GLIPR1L1: variants seen among roughly 807,000 people sequenced by gnomAD.
The protein encoded by GLIPR1L1 is GLIPR1 like 1.
A neutral mutation model predicts 29.9 loss-of-function variants in GLIPR1L1; 26 were observed. The observed-to-expected ratio is 0.87, with a 90% CI of 0.64 to 1.21. The LOEUF (loss-of-function observed/expected upper bound fraction) is 1.21. GLIPR1L1 is among the 50% of genes most tolerant of loss of function. The probability of loss-of-function intolerance (pLI) is 0.00; values close to 1 mark genes in which losing one functional copy is unlikely to be tolerated. For synonymous variants in GLIPR1L1, 77 were observed against 97.5 expected (o/e 0.79, Z 1.24); for missense variants, 305 against 290.3 (o/e 1.05, Z -0.37).
intron 3 of GLIPR1L1, 106 bp downstream of exon 3, chr12:75,347,828 G>A: frequency 3.6e-6 from 2 of 556,138 alleles, no homozygotes; most frequent in East Asian, 6.4e-5. Flanking sequence ...GATAAGTAAT[G>A]ACTCCCTCTA....
At chr12:75,359,825 G>C (rs1366550572) in intron 3 of GLIPR1L1, 1 of 151,972 alleles carries the variant, frequency 6.6e-6, no homozygotes, top group African/African-American at 2.4e-5. Context: ...AACTCAAAAT[G>C]GATCGTTGAT....
At chr12:75,353,349 A>G (rs1275240725) in intron 3 of GLIPR1L1, among the ~76,000 whole-genome samples, 1 of 152,240 alleles carries the variant, frequency 6.6e-6, no homozygotes, top group African/African-American at 2.4e-5. Context: ...AACAACCATC[A>G]GAGAATACTA....
At chr12:75,359,567 A>G (rs1011054322) in intron 3 of GLIPR1L1, among the ~76,000 whole-genome samples, 6 of 151,586 alleles carry the variant, frequency 4.0e-5, no homozygotes, top group Admixed American at 1.3e-4. Flanking sequence ...TGCTAATAAT[A>G]TGGTTTTCAA....
chr12:75,358,010 A>C (rs1161287216), intron 3 of GLIPR1L1, among the ~76,000 whole-genome samples: 1 of 151,554 alleles, frequency 6.6e-6, no homozygotes, highest in African/African-American at 2.4e-5. Context: ...AAAAGCATAC[A>C]TAAATAAAAT....
intron 1 of GLIPR1L1, among the ~76,000 whole-genome samples, chr12:75,342,349 T>C (rs1466254869): frequency 6.6e-6 from 1 of 152,212 alleles, no homozygotes; most frequent in Non-Finnish European, 1.5e-5. Flanking sequence ...TATCATACTA[T>C]TGTTACAAAA....
chr12:75,335,693 T>G (rs2041684047), intron 1 of GLIPR1L1, among the ~76,000 whole-genome samples: 1 of 152,098 alleles, frequency 6.6e-6, no homozygotes, highest in Non-Finnish European at 1.5e-5. Context: ...GTCTACTGTA[T>G]AAGAAAATTA....
intron 1 of GLIPR1L1, among the ~76,000 whole-genome samples, chr12:75,342,351 G>T (rs2042177930): frequency 6.6e-6 from 1 of 152,072 alleles, no homozygotes. Flanking sequence ...TCATACTATT[G>T]TTACAAAAAA....
chr12:75,345,502 T>G (rs2042389257), intron 2 of GLIPR1L1, among the ~76,000 whole-genome samples: 1 of 152,080 alleles, frequency 6.6e-6, no homozygotes. Flanking sequence ...TTTGTATAAG[T>G]TGAATTAATA....
At chr12:75,365,551 A>T (rs571232337) in intron 4 of GLIPR1L1, among the ~76,000 whole-genome samples, 16 of 152,248 alleles carry the variant, frequency 1.1e-4, no homozygotes, top group African/African-American at 1.9e-4. Context: ...ATACATTTTT[A>T]AAAAAATGTT....
At chr12:75,362,902 C>T (rs993284898) in intron 3 of GLIPR1L1, among the ~76,000 whole-genome samples, 200 bp from the exon 4 acceptor site, 20 of 152,106 alleles carry the variant, frequency 1.3e-4, no homozygotes, top group African/African-American at 4.8e-4. Flanking sequence ...AAGAATAGAA[C>T]TTCCACGTGA....
chr12:75,356,729 C>T (rs1355388539), intron 3 of GLIPR1L1, among the ~76,000 whole-genome samples: 1 of 152,012 alleles, frequency 6.6e-6, no homozygotes, highest in Non-Finnish European at 1.5e-5. Context: ...GGTATAAATG[C>T]CCCAAACTAA....
chr12:75,335,796 A>G (rs2041693167), intron 1 of GLIPR1L1, among the ~76,000 whole-genome samples: 1 of 152,044 alleles, frequency 6.6e-6, no homozygotes, highest in African/African-American at 2.4e-5. Context: ...ATTTTAATAT[A>G]TAATGTTTAC....
At chr12:75,363,673 GA>G (rs1172789598) in intron 4 of GLIPR1L1, among the ~76,000 whole-genome samples, 4 of 149,926 alleles carry the variant, frequency 2.7e-5, no homozygotes, top group East Asian at 1.9e-4. Context: ...GAGGCCAGAG[GA>G]AAAAAAAATG....
rs1038689334 is a variant in GLIPR1L1, at chr12:75,367,120, C to G, written c.611-2840C>G. The G allele has an allele frequency of 6.8e-5, 46 of 672,952 alleles. No individual in the cohort carries two copies. In the African/African-American group the frequency reaches 7.8e-4, roughly 11 times the overall value. 41.7% of individuals were successfully genotyped at this position (672,952 alleles called of 1,614,324 possible). A position where few individuals can be genotyped will look rare whatever the true frequency, so the allele number is the denominator to read the frequency against. ...GGGAGAAAACGTAATGGAGAAGACACTTTAGAATACACCTCCAAAGTGGAA... is the reference window on the plus strand; with the variant it reads ...GGGAGAAAACGTAATGGAGAAGACAGTTTAGAATACACCTCCAAAGTGGAA... On this transcript the variant is annotated intron_variant, in intron 4 of 5. Transcript: ENST00000378695.
chr12:75,362,917 T>C (rs2043704820), intron 3 of GLIPR1L1, among the ~76,000 whole-genome samples, 185 bp from the exon 4 acceptor site: 1 of 152,168 alleles, frequency 6.6e-6, no homozygotes, highest in Non-Finnish European at 1.5e-5. Flanking sequence ...ACGTGATTCA[T>C]CCTGTAAGGA....
At chr12:75,347,592 A>ATT (rs755148054) in intron 2 of GLIPR1L1, 30 bp from the exon 3 acceptor site, 2 of 1,434,780 alleles carry the variant, frequency 1.4e-6, no homozygotes, top group Non-Finnish European at 2.0e-6. Context: ...TGTTTTCCAT[A>ATT]TTTTATCTTG....
chr12:75,339,861 G>C lies in GLIPR1L1; in HGVS notation c.175-3832G>C, dbSNP rs181578280. 8.9e-4 allele frequency among the ~76,000 whole-genome samples: 135 copies of C among 151,922 alleles called. No homozygotes were observed. The Middle Eastern group carries it at 0.01, about 11-fold the overall frequency. On this transcript the variant is annotated intron_variant, in intron 1 of 5. Coordinates refer to ENST00000378695, the MANE Select transcript of GLIPR1L1 (RefSeq NM_001304964.2). ...TTTACTGGTGATTTCTGAGATTTTGGTGCACCCATCGCCCAAGCAGTGCCC... is the reference window on the plus strand; with the variant it reads ...TTTACTGGTGATTTCTGAGATTTTGCTGCACCCATCGCCCAAGCAGTGCCC...
intron 4 of GLIPR1L1, among the ~76,000 whole-genome samples, chr12:75,367,268 GAAA>G (rs35250320): frequency 4.5e-4 from 40 of 88,732 alleles, no homozygotes; most frequent in African/African-American, 1.0e-3. Flanking sequence ...TTCCTAGGAG[GAAA>G]AAAAAAAAAA....
chr12:75,363,305 G>A (rs922357078), intron 4 of GLIPR1L1, 115 bp downstream of exon 4: 9 of 428,836 alleles, frequency 2.1e-5, no homozygotes, highest in Non-Finnish European at 3.7e-5. Flanking sequence ...TTTGACTGTT[G>A]TTATCTTACG....
Sources: allele counts gnomAD v4.1 joint callset (sites outside exome capture counted in the v4.1 genomes callset), GRCh38; gene constraint gnomAD v4.1.1; transcripts MANE v1.5; gene names NCBI Gene and HGNC (gene_info 2026-07-23, HGNC 2026-07-21).